Variants in ZNF335 observed in about 807,000 individuals in gnomAD.
The protein encoded by ZNF335 is zinc finger protein 335.
A neutral mutation model predicts 145.6 loss-of-function variants in ZNF335; 84 were observed. That is an observed-to-expected ratio of 0.58 (90% CI 0.48 to 0.69). The LOEUF is 0.69. Among genes scored for constraint, ZNF335 ranks in the 30% least tolerant of loss-of-function variants. The pLI is 0.00. For missense variants in ZNF335, 1,865 were observed against 1,809.7 expected (o/e 1.03, Z -0.55); for synonymous variants, 761 against 717.0 (o/e 1.06, Z -0.98).
rs2084017935 is a variant in ZNF335, at chr20:45,969,493, C to T, written c.400G>A (p.Asp134Asn). The T allele has an allele frequency of 2.6e-6, 4 of 1,565,078 alleles. No homozygotes were observed. Among genetic ancestry groups the T allele is most frequent in the Middle Eastern group, 1.7e-4 (1 of 5,882 alleles). ...CCGATGGTGGACTCGATGATCTTGT[C>T]GATGGCCGAGCCCAGGTCCGAGGAG... ...ASSSDLGSAI[D>N]KIIESTIGPD... The change falls in exon 3 of 28, where the codon GAC (aspartate) becomes AAC (asparagine). Residue 134 changes from aspartate (D) to asparagine (N), a missense_variant. Physicochemically the swap from Asp to Asn is conservative, Grantham distance 23. Coordinates refer to ENST00000322927, the MANE Select transcript of ZNF335 (RefSeq NM_022095.4).
In ZNF335 at chr20:45,948,716, A is replaced by C. The variant is rs1333180332; in HGVS notation, c.*237T>G. 1 of 553,770 alleles carries C rather than the reference A, an allele frequency of 1.8e-6. No individual in the cohort carries two copies. The highest frequency in any genetic ancestry group is 1.9e-5 in the African/African-American group (1 of 52,554). 34.3% of individuals were successfully genotyped at this position (553,770 alleles called of 1,614,324 possible). A position where few individuals can be genotyped will look rare whatever the true frequency, so the allele number is the denominator to read the frequency against. ...ACTGACAGGCCAGTGGGTCCACCCA[A>C]ACAAAAATAAATTTCTCTCCCAAAG... On this transcript the variant is annotated 3_prime_UTR_variant, in exon 28 of 28. Coordinates refer to ENST00000322927, the MANE Select transcript of ZNF335 (RefSeq NM_022095.4).
intron 17 of ZNF335, among the ~76,000 whole-genome samples, chr20:45,954,952 T>A (rs565832777): frequency 6.6e-6 from 1 of 150,616 alleles, no homozygotes; most frequent in African/African-American, 2.4e-5. Context: ...AGAGACAGGG[T>A]TTCACCATGT....
At chr20:45,962,905 C>T (rs1262671637) in intron 9 of ZNF335, among the ~76,000 whole-genome samples, 1 of 150,368 alleles carries the variant, frequency 6.7e-6, no homozygotes, top group Non-Finnish European at 1.5e-5. Context: ...CCTCTGCCTC[C>T]CGGGTTCAAG....
In ZNF335 at chr20:45,948,726, A is replaced by G; in HGVS notation, c.*227T>C. 1.7e-6 allele frequency: 1 copy of G among 586,724 alleles called. No individual in the cohort carries two copies. Among genetic ancestry groups the G allele is most frequent in the Non-Finnish European group, 3.0e-6 (1 of 336,630 alleles). The allele number at this position is 586,724 out of a possible 1,614,324, so 36.3% of individuals were successfully genotyped here. A position where few individuals can be genotyped will look rare whatever the true frequency, so the allele number is the denominator to read the frequency against. The stretch of plus-strand genomic sequence containing the variant: ...CAGTGGGTCCACCCAAACAAAAATA[A>G]ATTTCTCTCCCAAAGCCTGCCTGCA... On this transcript the variant is annotated 3_prime_UTR_variant, in exon 28 of 28. Coordinates refer to ENST00000322927, the MANE Select transcript of ZNF335 (RefSeq NM_022095.4).
At chr20:45,963,337 G>C (rs2083886310) in intron 9 of ZNF335, 136 bp downstream of exon 9, 2 of 1,032,484 alleles carry the variant, frequency 1.9e-6, no homozygotes, top group African/African-American at 1.6e-5. Context: ...CAGTGAGCCA[G>C]ACACGCGTTC....
intron 20 of ZNF335, 89 bp from the exon 21 acceptor site, chr20:45,950,684 CCAGA>C (rs1304615484): frequency 2.6e-6 from 4 of 1,567,714 alleles, no homozygotes; most frequent in East Asian, 2.3e-5. Flanking sequence ...GGTCAGGGAA[CCAGA>C]CAAAGTGGAC....
Position 45,955,350 on chromosome 20 carries a change from C to CAAAAAAAAAAAAAAAAA in ZNF335, c.2443-1419_2443-1403dup, listed in dbSNP as rs61555698. Among the ~76,000 whole-genome samples, 81 of 37,324 alleles carry CAAAAAAAAAAAAAAAAA rather than the reference C, an allele frequency of 2.2e-3. 9 individuals are homozygous for CAAAAAAAAAAAAAAAAA. The East Asian group carries it at 0.023, about 10-fold the overall frequency. 24.5% of individuals were successfully genotyped at this position (37,324 alleles called of 152,430 possible). A position where few individuals can be genotyped will look rare whatever the true frequency, so the allele number is the denominator to read the frequency against. ...TGGGCAACAGAGCAAGACTCTGTCT[C>CAAAAAAAAAAAAAAAAA]AAAAAAAAAAAAAAAAAAAAGATTT... On this transcript the variant is annotated intron_variant, in intron 17 of 27. Coordinates refer to ENST00000322927, the MANE Select transcript of ZNF335 (RefSeq NM_022095.4).
chr20:45,957,578 C>A lies in ZNF335; in HGVS notation c.2442+8G>T, dbSNP rs1215547978. The A allele has an allele frequency of 6.2e-7, 1 of 1,613,746 alleles. No individual in the cohort carries two copies. Among genetic ancestry groups the A allele is most frequent in the Non-Finnish European group, 8.5e-7 (1 of 1,179,784 alleles). ...CTGGGAAGGGGAGCAGGTTCCCAGGCAGCTCACCTGCAGGGCTGTGCCCCC... is the reference window on the plus strand; with the variant it reads ...CTGGGAAGGGGAGCAGGTTCCCAGGAAGCTCACCTGCAGGGCTGTGCCCCC... On this transcript the variant is annotated splice_region_variant and intron_variant, in intron 17 of 27. Transcript: ENST00000322927.
At chr20:45,961,259 T>G (rs1042928373) in intron 10 of ZNF335, among the ~76,000 whole-genome samples, 3 of 152,160 alleles carry the variant, frequency 2.0e-5, no homozygotes, top group Admixed American at 2.0e-4. Context: ...GGTGTGCTGG[T>G]TAGCACCTGT....
chr20:45,949,125 T>G, intron 27 of ZNF335, 45 bp from the exon 28 acceptor site: 1 of 1,613,516 alleles, frequency 6.2e-7, no homozygotes, highest in Non-Finnish European at 8.5e-7. Context: ...GCTCAAGAGC[T>G]GGGTCCATAC....
Position 45,957,690 on chromosome 20 carries a change from G to A in ZNF335, c.2348-10C>T. On this transcript the variant is annotated splice_polypyrimidine_tract_variant and intron_variant, in intron 16 of 27. Coordinates refer to ENST00000322927, the MANE Select transcript of ZNF335 (RefSeq NM_022095.4). ...GTCGACTCCTCAGCTCCTGGGTGGGGTGGGACCTAAGCCTGACAAAGTGCT... is the reference window on the plus strand; with the variant it reads ...GTCGACTCCTCAGCTCCTGGGTGGGATGGGACCTAAGCCTGACAAAGTGCT... 6.2e-7 allele frequency: 1 copy of A among 1,613,970 alleles called. No individual in the cohort carries two copies. Among genetic ancestry groups the A allele is most frequent in the African/African-American group, 1.3e-5 (1 of 75,040 alleles).
chr20:45,972,077 C>T lies in ZNF335; in HGVS notation c.-51+45G>A. On this transcript the variant is annotated intron_variant, in intron 1 of 27. Coordinates refer to ENST00000322927, the MANE Select transcript of ZNF335 (RefSeq NM_022095.4). ...GTATCCCCGCAGTGTGACCTCACTC[C>T]ACGGCAGGGTACGGTGGGGCCGCCT... is the stretch of plus-strand genomic sequence containing the variant. The T allele has an allele frequency of 2.3e-6, 3 of 1,286,254 alleles. 1 individual carries two copies. The highest frequency in any genetic ancestry group is 2.5e-5 in the South Asian group (2 of 80,526). The allele number at this position is 1,286,254 out of a possible 1,614,324, so 79.7% of individuals were successfully genotyped here.
rs1176430938 is a variant in ZNF335 at position 45,968,244 on chromosome 20, C to T, written c.520+41G>A. Reference sequence around the variant, plus strand: ...GAACCTGTCCTCACCTATCCCCCTGCCCACTGCAGGCCTCCCCGATTCTGG... The same window carrying T: ...GAACCTGTCCTCACCTATCCCCCTGTCCACTGCAGGCCTCCCCGATTCTGG... On this transcript the variant is annotated intron_variant, in intron 4 of 27. Transcript: ENST00000322927. The T allele has an allele frequency of 3.1e-6, 5 of 1,596,744 alleles. No homozygotes were observed. The South Asian group carries it at 4.4e-5, about 14-fold the overall frequency.
At position 45,959,302 on chromosome 20, in the gene ZNF335, A is replaced by G. The variant is rs1600532530; in HGVS notation, c.2152T>C (p.Ser718Pro). 1 of 1,567,442 alleles carries G rather than the reference A, an allele frequency of 6.4e-7. No individual in the cohort carries two copies. The highest frequency in any genetic ancestry group is 8.7e-7 in the Non-Finnish European group (1 of 1,153,008). Residue 718 changes from serine to proline, a missense_variant, in exon 15 of 28, where the codon TCC (serine) becomes CCC (proline). Coordinates refer to ENST00000322927, the MANE Select transcript of ZNF335 (RefSeq NM_022095.4). Reference protein sequence around the residue: ...WGRRHPEEPPSRRRPFFSLQQ... With the variant: ...WGRRHPEEPPPRRRPFFSLQQ... ...AGAGAGAAGAAGGGGCGACGGCGGG[A>G]GGGGGGCTCCTCAGGGTGGCGCCTC...
Position 45,952,147 on chromosome 20 carries a change from C to G in ZNF335, c.3189G>C (p.Arg1063=). The change falls in exon 20 of 28, where the codon CGG becomes CGC. Residue 1063 remains arginine (R), a splice_region_variant and synonymous_variant. Coordinates refer to ENST00000322927, the MANE Select transcript of ZNF335 (RefSeq NM_022095.4). ...PFSARQWPEV[R]AHMAQHSSLR... is the part of the protein sequence containing the mutation. ...AGACACAGGAGCAACCAGCACCTAC[C>G]CGGACCTCGGGCCACTGGCGGGCAC... The G allele has an allele frequency of 1.3e-5, 20 of 1,595,378 alleles. No homozygotes were observed. The highest frequency in any genetic ancestry group is 1.5e-5 in the Non-Finnish European group (18 of 1,168,728).
chr20:45,971,603 C>T (rs1182560520), intron 1 of ZNF335, 143 bp from the exon 2 acceptor site: 1 of 1,435,668 alleles, frequency 7.0e-7, no homozygotes, highest in Admixed American at 2.8e-5. Flanking sequence ...TGGTGTATTG[C>T]GAGGGGAGCT....
In ZNF335 at chr20:45,963,749, C is replaced by T; in HGVS notation, c.1344G>A (p.Lys448=). Residue 448 remains lysine, a synonymous_variant, in exon 8 of 28, where the codon AAG becomes AAA. Coordinates refer to ENST00000322927, the MANE Select transcript of ZNF335 (RefSeq NM_022095.4). The part of the protein sequence containing the change: ...RGRPSRRFLG[K]KYRKYYYKSP... ...TCTGCTCCACATACTTGCGGTATTT[C>T]TTGCCTAGGAAGCGCCTGGAAGGTC... 1 of 1,614,148 alleles carries T rather than the reference C, an allele frequency of 6.2e-7. No homozygotes were observed. The highest frequency in any genetic ancestry group is 8.5e-7 in the Non-Finnish European group (1 of 1,179,992).
In ZNF335 at chr20:45,952,003, A is replaced by G. The variant is rs559178098; in HGVS notation, c.3189+144T>C. On this transcript the variant is annotated intron_variant, in intron 20 of 27. Transcript: ENST00000322927. ...CCAGACCAACTCCCTGAGAGCTGGG[A>G]CCTTGCGGAGTCATCTCTGACCCAT... 1.4e-3 allele frequency: 1,693 copies of G among 1,213,466 alleles called. 1 individual carries two copies. The highest frequency in any genetic ancestry group is 1.7e-3 in the Non-Finnish European group (1,562 of 902,676). 75.2% of individuals were successfully genotyped at this position (1,213,466 alleles called of 1,614,324 possible). A position where few individuals can be genotyped will look rare whatever the true frequency, so the allele number is the denominator to read the frequency against.
intron 16 of ZNF335, 65 bp downstream of exon 16, chr20:45,957,770 G>T: frequency 6.3e-7 from 1 of 1,588,934 alleles, no homozygotes; most frequent in South Asian, 1.1e-5. Flanking sequence ...CCACCAGCAC[G>T]ACCTGCCCCT....
Sources: gnomAD v4.1 joint callset for allele counts (sites outside exome capture counted in the v4.1 genomes callset) on GRCh38, gnomAD v4.1.1 for gene constraint, MANE v1.5 for transcripts, NCBI Gene and HGNC (gene_info 2026-07-23, HGNC 2026-07-21) for gene names.